ZFHX3: variants seen among roughly 807,000 people sequenced by gnomAD.
The protein encoded by ZFHX3 is zinc finger homeobox protein 3.
ZFHX3 carries 42 observed loss-of-function variants against 279.1 expected under a neutral mutation model. The observed-to-expected ratio is 0.15, with a 90% CI of 0.12 to 0.19. The LOEUF is 0.19. Ranked by LOEUF, ZFHX3 falls within the 10% of genes least tolerant of loss-of-function variation. The pLI is 1.00. For missense variants in ZFHX3, 4,981 were observed against 4,754.0 expected (o/e 1.05, Z -1.40); for synonymous variants, 2,293 against 1,957.8 (o/e 1.17, Z -4.52).
chr16:72,814,541 G>A (rs1291037472), intron 5 of ZFHX3, among the ~76,000 whole-genome samples: 1 of 151,930 alleles, frequency 6.6e-6, no homozygotes, highest in Non-Finnish European at 1.5e-5. Flanking sequence ...ATTGTGGTGA[G>A]GTTGCAGAGG....
intron 2 of ZFHX3, among the ~76,000 whole-genome samples, chr16:73,676,803 AAAG>A (rs987973077): frequency 4.6e-5 from 7 of 150,678 alleles, no homozygotes; most frequent in African/African-American, 1.7e-4. Flanking sequence ...CAAATAAAAA[AAAG>A]AGTTTTAATA....
chr16:73,670,997 T>C (rs2052898904), intron 2 of ZFHX3, among the ~76,000 whole-genome samples: 1 of 152,236 alleles, frequency 6.6e-6, no homozygotes, highest in South Asian at 2.1e-4. Flanking sequence ...GAAGGATTAT[T>C]TAAGAAACAG....
intron 5 of ZFHX3, among the ~76,000 whole-genome samples, chr16:73,147,323 C>T (rs911749244): frequency 6.6e-6 from 1 of 152,166 alleles, no homozygotes; most frequent in African/African-American, 2.4e-5. Context: ...ACAGCAGTTT[C>T]CTTTTGCCTT....
At chr16:73,141,687 C>A (rs1329675843) in intron 6 of ZFHX3, among the ~76,000 whole-genome samples, 1 of 152,200 alleles carries the variant, frequency 6.6e-6, no homozygotes, top group East Asian at 1.9e-4. Context: ...CATAAGGCAT[C>A]ACATCATGCT....
intron 3 of ZFHX3, among the ~76,000 whole-genome samples, chr16:72,921,890 A>T (rs917468840): frequency 2.6e-5 from 4 of 152,196 alleles, no homozygotes; most frequent in Non-Finnish European, 4.4e-5. Flanking sequence ...GGGAAAAATG[A>T]AAATGGCCAC....
chr16:73,718,155 A>G (rs1264901283), intron 1 of ZFHX3, among the ~76,000 whole-genome samples: 1 of 152,238 alleles, frequency 6.6e-6, no homozygotes, highest in Non-Finnish European at 1.5e-5. Flanking sequence ...TCACGCCTGT[A>G]ATCCCAACAC....
intron 2 of ZFHX3, among the ~76,000 whole-genome samples, chr16:73,507,481 G>A (rs906361856): frequency 3.2e-5 from 4 of 126,306 alleles, no homozygotes; most frequent in Admixed American, 1.0e-4. Flanking sequence ...ATTCAGCTCT[G>A]CCACTTTTTT....
chr16:72,832,326 G>T (rs2037079017), intron 4 of ZFHX3, among the ~76,000 whole-genome samples: 1 of 152,120 alleles, frequency 6.6e-6, no homozygotes, highest in Admixed American at 6.5e-5. Context: ...CATGGAAACT[G>T]CATGTTGCTT....
At chr16:72,921,591 T>A (rs2039585862) in intron 3 of ZFHX3, among the ~76,000 whole-genome samples, 1 of 152,206 alleles carries the variant, frequency 6.6e-6, no homozygotes, top group Admixed American at 6.5e-5. Context: ...ACCTTAACAG[T>A]ACGGTGAGAA....
chr16:72,941,169 G>T (rs1960393473), intron 3 of ZFHX3, among the ~76,000 whole-genome samples: 1 of 152,144 alleles, frequency 6.6e-6, no homozygotes, highest in Admixed American at 6.5e-5. Flanking sequence ...AGGGACTCAT[G>T]AAAAAAATGA....
chr16:73,114,264 A>G (rs532153780), intron 7 of ZFHX3, among the ~76,000 whole-genome samples: 1 of 151,924 alleles, frequency 6.6e-6, no homozygotes, highest in Non-Finnish European at 1.5e-5. Context: ...TATGTTACTC[A>G]TTTTCTGAGG....
chr16:73,673,605 CA>C (rs2052925123), intron 2 of ZFHX3, among the ~76,000 whole-genome samples: 3 of 151,706 alleles, frequency 2.0e-5, no homozygotes, highest in Non-Finnish European at 4.4e-5. Context: ...ACTATTTTTC[CA>C]CAAAAATATA....
chr16:73,105,810 C>T (rs920289106), intron 7 of ZFHX3, among the ~76,000 whole-genome samples: 3 of 152,156 alleles, frequency 2.0e-5, no homozygotes, highest in Admixed American at 1.3e-4. Context: ...CATTTCACTG[C>T]AATGGCTTTC....
upstream of ZFHX3, chr16:73,061,468 C>T (rs1965683460): frequency 1.3e-5 from 2 of 150,030 alleles, no homozygotes; most frequent in African/African-American, 2.5e-5. Context: ...TTATTGTAGC[C>T]ATTGTATATT....
At chr16:73,463,791 A>G (rs1288193938) in intron 2 of ZFHX3, among the ~76,000 whole-genome samples, 2 of 152,202 alleles carry the variant, frequency 1.3e-5, no homozygotes, top group Non-Finnish European at 2.9e-5. Flanking sequence ...TATGCAGTGC[A>G]CTAAACAGAA....
chr16:73,121,241 G>A (rs1282261063), intron 7 of ZFHX3, among the ~76,000 whole-genome samples: 2 of 152,124 alleles, frequency 1.3e-5, no homozygotes, highest in Non-Finnish European at 2.9e-5. Flanking sequence ...TGTACTGTAA[G>A]TATAAAATAT....
rs762134796 is a variant in ZFHX3, at chr16:73,780,111, A to ATTTTTTTTT, written c.-1607-99880_-1607-99872dup. Among the ~76,000 whole-genome samples the ATTTTTTTTT allele has an allele frequency of 1.3e-3, 43 of 33,214 alleles. 18 individuals carry two copies. Among genetic ancestry groups the ATTTTTTTTT allele is most frequent in the Non-Finnish European group, 2.4e-3 (33 of 13,572 alleles). 21.8% of individuals were successfully genotyped at this position (33,214 alleles called of 152,430 possible). On this transcript the variant is annotated intron_variant, in intron 1 of 17. Transcript: ENST00000641206. ...AACCAGCAAAACTCACTGCATTTGA[A>ATTTTTTTTT]TTTTTTTTTTTTTTTTTTTTTTTTT...
intron 7 of ZFHX3, among the ~76,000 whole-genome samples, chr16:73,125,757 G>A (rs1476214776): frequency 6.6e-6 from 1 of 151,914 alleles, no homozygotes; most frequent in Non-Finnish European, 1.5e-5. Flanking sequence ...GTGATCGTGT[G>A]AGTTAATACT....
chr16:73,818,262 G>A (rs564243592), intron 1 of ZFHX3, among the ~76,000 whole-genome samples: 3 of 152,276 alleles, frequency 2.0e-5, no homozygotes, highest in South Asian at 2.1e-4. Flanking sequence ...TTGAGGCAAT[G>A]TAGTTAATTA....
Sources: gnomAD v4.1 joint callset for allele counts (sites outside exome capture counted in the v4.1 genomes callset) on GRCh38, gnomAD v4.1.1 for gene constraint, MANE v1.5 for transcripts, NCBI Gene and HGNC (gene_info 2026-07-23, HGNC 2026-07-21) for gene names.